PRKN: variants seen among roughly 807,000 people sequenced by gnomAD.
The protein encoded by PRKN is E3 ubiquitin-protein ligase parkin.
In PRKN, 56 loss-of-function variants were observed where a neutral mutation model predicts 59.5. The ratio of observed to expected loss-of-function variants is 0.94; its 90% CI spans 0.76 to 1.18. The LOEUF is 1.18. Ranked by LOEUF, PRKN falls within the 50% of genes most tolerant of loss-of-function variation. The probability of loss-of-function intolerance (pLI) is 0.00; values close to 1 mark genes in which losing one functional copy is unlikely to be tolerated. For missense variants in PRKN, 657 were observed against 596.4 expected (o/e 1.10, Z -1.06); for synonymous variants, 250 against 222.1 (o/e 1.13, Z -1.12).
intron 1 of PRKN, among the ~76,000 whole-genome samples, chr6:162,538,234 C>T (rs986919954): frequency 6.6e-6 from 1 of 151,916 alleles, no homozygotes; most frequent in South Asian, 2.1e-4. Context: ...ACCTGCTCTA[C>T]CAAAAATACA....
At chr6:161,860,592 CTG>C (rs1459379808) in intron 6 of PRKN, among the ~76,000 whole-genome samples, 5 of 152,212 alleles carry the variant, frequency 3.3e-5, no homozygotes, top group African/African-American at 1.2e-4. Flanking sequence ...ACCTTGGAGT[CTG>C]TTTTTTTTCT....
At chr6:162,482,544 A>G (rs1792355154) in intron 1 of PRKN, among the ~76,000 whole-genome samples, 1 of 152,206 alleles carries the variant, frequency 6.6e-6, no homozygotes, top group Admixed American at 6.5e-5. Context: ...ACCAGCAATA[A>G]TGGCAACAGA....
chr6:161,897,747 T>A (rs9365342), intron 6 of PRKN, among the ~76,000 whole-genome samples: 67,487 of 150,960 alleles, frequency 0.45, 15,844 homozygotes, highest in East Asian at 0.63. Context: ...TTTGGGAGGC[T>A]GAGGCGGGTG....
At chr6:162,134,918 C>T (rs1045801104) in intron 4 of PRKN, among the ~76,000 whole-genome samples, 4 of 152,036 alleles carry the variant, frequency 2.6e-5, no homozygotes, top group East Asian at 1.9e-4. Context: ...AAGGTTTAAT[C>T]GAAACTGTTC....
intron 1 of PRKN, among the ~76,000 whole-genome samples, chr6:162,464,737 G>A (rs183755847): frequency 6.7e-4 from 102 of 151,610 alleles, no homozygotes; most frequent in African/African-American, 2.3e-3. Context: ...GCTGAGGCAG[G>A]AGAATGGCGT....
chr6:162,202,167 T>A (rs986372373), intron 3 of PRKN, among the ~76,000 whole-genome samples: 1 of 152,138 alleles, frequency 6.6e-6, no homozygotes, highest in African/African-American at 2.4e-5. Flanking sequence ...CTTTGAAATT[T>A]TACTATGATC....
At chr6:162,397,473 C>T (rs988775864) in intron 2 of PRKN, among the ~76,000 whole-genome samples, 2 of 151,854 alleles carry the variant, frequency 1.3e-5, no homozygotes, top group African/African-American at 4.8e-5. Flanking sequence ...TATATGCACA[C>T]GGCTGTACTA....
intron 6 of PRKN, among the ~76,000 whole-genome samples, chr6:161,860,119 T>A (rs1318599978): frequency 6.6e-6 from 1 of 152,198 alleles, no homozygotes; most frequent in Non-Finnish European, 1.5e-5. Flanking sequence ...TTAAAATATT[T>A]TATCATTAAG....
intron 6 of PRKN, among the ~76,000 whole-genome samples, chr6:161,896,534 A>ACCCAGCCCTGCCC (rs1377984757): frequency 1.3e-5 from 2 of 152,204 alleles, no homozygotes; most frequent in Admixed American, 1.3e-4. Flanking sequence ...TATAGAGTAG[A>ACCCAGCCCTGCCC]AACATCCCCT....
intron 7 of PRKN, among the ~76,000 whole-genome samples, chr6:161,671,829 C>G (rs528281147): frequency 3.3e-5 from 5 of 152,262 alleles, no homozygotes; most frequent in African/African-American, 9.6e-5. Context: ...TACCCAGTCC[C>G]TTGGTTGTCT....
At chr6:161,439,932 T>C (rs1789120305) in intron 9 of PRKN, among the ~76,000 whole-genome samples, 1 of 147,754 alleles carries the variant, frequency 6.8e-6, no homozygotes, top group African/African-American at 2.5e-5. Flanking sequence ...CTAGGTTTTT[T>C]TGTTTTTTGT....
chr6:162,628,070 G>C (rs1329582700), intron 1 of PRKN, among the ~76,000 whole-genome samples: 2 of 152,108 alleles, frequency 1.3e-5, no homozygotes, highest in East Asian at 3.9e-4. Flanking sequence ...AGTCTTTAGA[G>C]GTAGCAATAA....
At chr6:162,681,918 T>C (rs911751104) in intron 1 of PRKN, among the ~76,000 whole-genome samples, 6 of 152,134 alleles carry the variant, frequency 3.9e-5, no homozygotes, top group Admixed American at 1.3e-4. Flanking sequence ...ATTCTTTCCT[T>C]TCTTTGTTTG....
At chr6:162,487,033 G>C (rs1185905819) in intron 1 of PRKN, among the ~76,000 whole-genome samples, 1 of 151,846 alleles carries the variant, frequency 6.6e-6, no homozygotes, top group East Asian at 1.9e-4. Flanking sequence ...TCGCACCATT[G>C]CACTCCAGCC....
At chr6:162,437,656 T>A (rs1344833462) in intron 2 of PRKN, among the ~76,000 whole-genome samples, 1 of 152,204 alleles carries the variant, frequency 6.6e-6, no homozygotes, top group Non-Finnish European at 1.5e-5. Flanking sequence ...GTTTTGAGAA[T>A]GTTATATAAA....
chr6:162,336,092 T>A (rs1296030329), intron 2 of PRKN, among the ~76,000 whole-genome samples: 1 of 152,062 alleles, frequency 6.6e-6, no homozygotes, highest in African/African-American at 2.4e-5. Flanking sequence ...TTGGGCTCCA[T>A]CTGTGAAATA....
At chr6:161,598,181 C>A (rs1157605302) in intron 7 of PRKN, among the ~76,000 whole-genome samples, 2 of 152,148 alleles carry the variant, frequency 1.3e-5, no homozygotes, top group Non-Finnish European at 2.9e-5. Flanking sequence ...TTGTGTGGTC[C>A]TCCAACTATG....
intron 1 of PRKN, among the ~76,000 whole-genome samples, chr6:162,594,459 T>G (rs936174772): frequency 6.6e-6 from 1 of 152,328 alleles, no homozygotes; most frequent in South Asian, 2.1e-4. Context: ...TTTTACAGCC[T>G]TCCCCTTCCT....
chr6:161,762,074 T>C (rs924485326), intron 7 of PRKN, among the ~76,000 whole-genome samples: 4 of 152,054 alleles, frequency 2.6e-5, no homozygotes, highest in African/African-American at 9.7e-5. Flanking sequence ...GGGTGAGGGC[T>C]GAAAAAACAA....
Sources: allele counts gnomAD v4.1 joint callset (sites outside exome capture counted in the v4.1 genomes callset), GRCh38; gene constraint gnomAD v4.1.1; transcripts MANE v1.5; gene names NCBI Gene and HGNC (gene_info 2026-07-23, HGNC 2026-07-21).